Variants in TMEM59L observed in about 807,000 individuals in gnomAD.
TMEM59L encodes transmembrane protein 59-like.
TMEM59L carries 31 observed loss-of-function variants against 39.6 expected under a neutral mutation model. The ratio of observed to expected loss-of-function variants is 0.78; its 90% CI spans 0.59 to 1.06. The LOEUF (loss-of-function observed/expected upper bound fraction) is 1.06. Ranked by LOEUF, TMEM59L falls within the 50% of genes least tolerant of loss-of-function variation. The pLI, the probability that TMEM59L is intolerant of heterozygous loss-of-function variation, is 0.00. For missense variants in TMEM59L, 441 were observed against 451.3 expected, an observed-to-expected ratio of 0.98 and a Z score of 0.21; for synonymous variants, 219 against 202.9, an observed-to-expected ratio of 1.08 and a Z score of -0.68.
Position 18,617,071 on chromosome 19 carries a change from C to A in TMEM59L, c.633C>A (p.Gly211=), listed in dbSNP as rs1426769714. ...AGCGCGTGGAGGTGACCTGGCGAGG[C>A]TCCCACCCTGAAGCCCTGGAGGTGC... The part of the protein sequence containing the change: ...RLQRVEVTWR[G]SHPEALEVHV... Residue 211 remains glycine (G), a synonymous_variant, in exon 5 of 8, where the codon GGC becomes GGA. Transcript: ENST00000262817. 36 of 1,613,396 alleles carry A rather than the reference C, an allele frequency of 2.2e-5. No individual in the cohort carries two copies. Among genetic ancestry groups the A allele is most frequent in the Non-Finnish European group, 3.0e-5 (35 of 1,179,922 alleles).
rs1337854322 is a variant in TMEM59L at position 18,616,090 on chromosome 19, A to G, written c.524A>G (p.Tyr175Cys). ...QGFVSSTWTY[Y>C]LQTDNGKVVV... ...TTTGTCTCCTCCACCTGGACATACTACTTGCAGACTGACAATGGGAAAGTG... is the reference window on the plus strand; with the variant it reads ...TTTGTCTCCTCCACCTGGACATACTGCTTGCAGACTGACAATGGGAAAGTG... Residue 175 changes from tyrosine to cysteine, a missense_variant, in exon 4 of 8, where the codon TAC (tyrosine) becomes TGC (cysteine). By Grantham distance (194) the Tyr-to-Cys change is radical (BLOSUM62 -2). Transcript: ENST00000262817. 6.2e-7 allele frequency: 1 copy of G among 1,613,988 alleles called. No homozygotes were observed. Among genetic ancestry groups the G allele is most frequent in the African/African-American group, 1.3e-5 (1 of 74,918 alleles).
At position 18,620,434 on chromosome 19, in the gene TMEM59L, C is replaced by A. The variant is rs374334294; in HGVS notation, c.927C>A (p.Gly309=). Residue 309 remains glycine (G), a synonymous_variant, in exon 8 of 8, where the codon GGC becomes GGA. Coordinates refer to ENST00000262817, the MANE Select transcript of TMEM59L (RefSeq NM_012109.3). ...CTCTGACCCTGGAGCAGCACAAGGG[C>A]TTCATGATGGAGCCCGATTGGCCCC... ...FQPLTLEQHK[G]FMMEPDWPLY... 9 of 1,613,244 alleles carry A rather than the reference C, an allele frequency of 5.6e-6. No individual in the cohort carries two copies. The highest frequency in any genetic ancestry group is 4.0e-5 in the African/African-American group (3 of 74,920).
chr19:18,618,098 T>G, intron 5 of TMEM59L, 57 bp from the exon 6 acceptor site: 11 of 1,296,882 alleles, frequency 8.5e-6, no homozygotes, highest in Non-Finnish European at 1.2e-5. Context: ...CTGGTCATGG[T>G]TATTGTGGCC....
At chr19:18,619,823 A>G (rs1446116057) in intron 7 of TMEM59L, among the ~76,000 whole-genome samples, 1 of 151,196 alleles carries the variant, frequency 6.6e-6, no homozygotes, top group Non-Finnish European at 1.5e-5. Context: ...AAAAAGAAAA[A>G]AAAAATTAGC....
Position 18,618,241 on chromosome 19 carries a change from C to T in TMEM59L, c.751C>T (p.Gln251Ter). ...SKAKVESEEPQDNDFLSCMSR... is the reference protein window; with the variant it reads ...SKAKVESEEP ...GGCCAAGGTGGAGTCTGAAGAGCCA[C>T]AGGACAATGACTTCCTCAGTTGCAT... The change falls in exon 6 of 8, where the codon CAG becomes TAG. Residue 251 changes from glutamine (Q) to a stop codon, truncating the protein, a stop_gained. Coordinates refer to ENST00000262817, the MANE Select transcript of TMEM59L (RefSeq NM_012109.3). LOFTEE classifies it high-confidence loss of function. The T allele has an allele frequency of 6.2e-7, 1 of 1,600,100 alleles. No individual in the cohort carries two copies. Among genetic ancestry groups the T allele is most frequent in the Non-Finnish European group, 8.5e-7 (1 of 1,178,664 alleles).
chr19:18,617,101 G>A lies in TMEM59L; in HGVS notation c.663G>A (p.Val221=), dbSNP rs1976436744. Reference sequence around the variant, plus strand: ...ACCCTGAAGCCCTGGAGGTGCACGTGGGTAAGGTGCAACCTAGACCAGTGT... The same window carrying A: ...ACCCTGAAGCCCTGGAGGTGCACGTAGGTAAGGTGCAACCTAGACCAGTGT... The part of the protein sequence containing the change: ...GSHPEALEVH[V]DPVGPLDKVR... The change falls in exon 5 of 8, where the codon GTG becomes GTA. Residue 221 remains valine (V), a splice_region_variant and synonymous_variant. Coordinates refer to ENST00000262817, the MANE Select transcript of TMEM59L (RefSeq NM_012109.3). The A allele has an allele frequency of 1.2e-6, 2 of 1,611,446 alleles. No homozygotes were observed. Among genetic ancestry groups the A allele is most frequent in the East Asian group, 4.5e-5 (2 of 44,872 alleles).
chr19:18,616,873 C>T (rs1976433395), intron 4 of TMEM59L, 127 bp from the exon 5 acceptor site: 1 of 713,642 alleles, frequency 1.4e-6, no homozygotes, highest in Non-Finnish European at 2.4e-6. Context: ...TGACATCAAG[C>T]CCACCCCTGA....
chr19:18,618,359 C>T lies in TMEM59L; in HGVS notation c.783-16C>T, dbSNP rs933641261. ...CCCGGCCTGGGCAGCTGAGTGGTGCCTGCCGGGCGGGGCAGGCGCTCGGGT... is the reference window on the plus strand; with the variant it reads ...CCCGGCCTGGGCAGCTGAGTGGTGCTTGCCGGGCGGGGCAGGCGCTCGGGT... On this transcript the variant is annotated splice_polypyrimidine_tract_variant and intron_variant, in intron 6 of 7. Transcript: ENST00000262817. The T allele has an allele frequency of 1.9e-6, 3 of 1,609,794 alleles. No individual in the cohort carries two copies. In the African/African-American group the frequency reaches 4.0e-5, roughly 22 times the overall value.
intron 1 of TMEM59L, 145 bp from the exon 2 acceptor site, chr19:18,613,727 G>A: frequency 1.6e-6 from 1 of 644,060 alleles, no homozygotes; most frequent in Non-Finnish European, 2.7e-6. Context: ...ACTAATATTT[G>A]TAGCCTCTCC....
At chr19:18,618,599 TCAGA>T in intron 7 of TMEM59L, 107 bp downstream of exon 7, 3 of 948,958 alleles carry the variant, frequency 3.2e-6, no homozygotes, top group Non-Finnish European at 4.7e-6. Context: ...GGCCAGGACC[TCAGA>T]CATTTTTTTC....
At position 18,613,043 on chromosome 19, in the gene TMEM59L, C is replaced by G; in HGVS notation, c.85C>G (p.Arg29Gly). Residue 29 changes from arginine (R) to glycine (G), a missense_variant, in exon 1 of 8, where the codon CGC (arginine) becomes GGC (glycine). Transcript: ENST00000262817. Reference protein sequence around the residue: ...SPPAASAPSARDPFAPQLGDT... With the variant: ...SPPAASAPSAGDPFAPQLGDT... Reference sequence around the variant, plus strand: ...GCCCGCCGCCTCCGCGCCGTCCGCCCGCGATCCCTTCGCCCCCCAGCTCGG... The same window carrying G: ...GCCCGCCGCCTCCGCGCCGTCCGCCGGCGATCCCTTCGCCCCCCAGCTCGG... 7.2e-7 allele frequency: 1 copy of G among 1,393,584 alleles called. No homozygotes were observed. The highest frequency in any genetic ancestry group is 9.3e-7 in the Non-Finnish European group (1 of 1,076,076). 86.3% of individuals were successfully genotyped at this position (1,393,584 alleles called of 1,614,324 possible). A position where few individuals can be genotyped will look rare whatever the true frequency, so the allele number is the denominator to read the frequency against.
rs1976384498 is a variant in TMEM59L, at chr19:18,612,889, C to G, written c.-70C>G. On this transcript the variant is annotated 5_prime_UTR_variant, in exon 1 of 8. Coordinates refer to ENST00000262817, the MANE Select transcript of TMEM59L (RefSeq NM_012109.3). The surrounding 1 kb of genome is among the most constrained non-coding windows in gnomAD (Gnocchi z 6.2). ...GGTGACGTCAGCGCCCCGGTCCCCG[C>G]CGCAGCCGCTGCATCCTCCGTGCCC... The G allele has an allele frequency of 2.4e-6, 3 of 1,230,388 alleles. No homozygotes were observed. Among genetic ancestry groups the G allele is most frequent in the Admixed American group, 3.9e-5 (1 of 25,780 alleles). 76.2% of individuals were successfully genotyped at this position (1,230,388 alleles called of 1,614,324 possible). A position where few individuals can be genotyped will look rare whatever the true frequency, so the allele number is the denominator to read the frequency against.
chr19:18,616,233 C>T (rs966623727), intron 4 of TMEM59L, 106 bp downstream of exon 4: 21 of 1,391,728 alleles, frequency 1.5e-5, no homozygotes, highest in Admixed American at 7.4e-5. Flanking sequence ...CCACAGTGGG[C>T]GAGCTTCAGG....
rs1197676581 is a variant in TMEM59L at position 18,618,432 on chromosome 19, G to C, written c.840G>C (p.Val280=). 1 of 1,608,408 alleles carries C rather than the reference G, an allele frequency of 6.2e-7. No homozygotes were observed. The highest frequency in any genetic ancestry group is 8.5e-7 in the Non-Finnish European group (1 of 1,179,272). The change falls in exon 7 of 8, where the codon GTG becomes GTC. Residue 280 remains valine (V), a synonymous_variant. Transcript: ENST00000262817. ...GCTGCCTCTTCCTCTCCGTGCTGGT[G>C]ATGCTGTGGCTGAGCTGCTCCACCC... The part of the protein sequence containing the change: ...LACCLFLSVL[V]MLWLSCSTLV...
rs543510186 is a variant in TMEM59L at position 18,616,267 on chromosome 19, T to G, written c.561+140T>G. 170 of 961,658 alleles carry G rather than the reference T, an allele frequency of 1.8e-4. 1 individual carries two copies. In the South Asian group the frequency reaches 2.6e-3, roughly 15 times the overall value. The allele number at this position is 961,658 out of a possible 1,614,324, so 59.6% of individuals were successfully genotyped here. On this transcript the variant is annotated intron_variant, in intron 4 of 7. Transcript: ENST00000262817. ...GGCACAGCTGGATCCAGGGGCTCAG[T>G]GTCTCACTCCATGCCTTGACTCTGC...
intron 7 of TMEM59L, among the ~76,000 whole-genome samples, 181 bp downstream of exon 7, chr19:18,618,673 G>GTA (rs71339270): frequency 1.4e-3 from 100 of 69,000 alleles, no homozygotes; most frequent in East Asian, 8.0e-3. Flanking sequence ...GTGTGTGTGT[G>GTA]TATATATATA....
Position 18,620,472 on chromosome 19 carries a change from C to T in TMEM59L, c.965C>T (p.Pro322Leu), listed in dbSNP as rs749579869. The change falls in exon 8 of 8, where the codon CCG (proline) becomes CTG (leucine). Residue 322 changes from proline (P) to leucine (L), a missense_variant. By Grantham distance (98) the Pro-to-Leu change is moderately conservative. Transcript: ENST00000262817. ...MEPDWPLYPP[P>L]SHACEDSLPP... is the part of the protein sequence containing the mutation. ...CCCGATTGGCCCCTGTACCCGCCGC[C>T]GTCCCACGCCTGTGAGGACAGCCTA... 14 of 1,613,630 alleles carry T rather than the reference C, an allele frequency of 8.7e-6. No individual in the cohort carries two copies. Among genetic ancestry groups the T allele is most frequent in the South Asian group, 2.2e-5 (2 of 91,078 alleles).
At position 18,614,104 on chromosome 19, in the gene TMEM59L, C is replaced by G; in HGVS notation, c.317C>G (p.Ala106Gly). Residue 106 changes from alanine to glycine, a missense_variant and splice_region_variant, in exon 3 of 8, where the codon GCC becomes GGC. Ala to Gly is a moderately conservative substitution (Grantham distance 60). Coordinates refer to ENST00000262817, the MANE Select transcript of TMEM59L (RefSeq NM_012109.3). ...AGTCACCCGCTCCCACCTCCCACAG[C>G]CTGCGTGGAAGCCTATGTGAAGGAG... ...PNATQTECEA[A>G]CVEAYVKEAE... 1 of 1,612,240 alleles carries G rather than the reference C, an allele frequency of 6.2e-7. No individual in the cohort carries two copies. The highest frequency in any genetic ancestry group is 1.1e-5 in the South Asian group (1 of 91,048).
chr19:18,613,253 G>A (rs1976390098), intron 1 of TMEM59L, 124 bp downstream of exon 1: 5 of 1,051,954 alleles, frequency 4.8e-6, no homozygotes, highest in Non-Finnish European at 6.1e-6. Context: ...GTGGGGAGGT[G>A]GGGGTCGGGA....
Sources: allele counts gnomAD v4.1 joint callset (sites outside exome capture counted in the v4.1 genomes callset), GRCh38; gene constraint gnomAD v4.1.1; non-coding constraint Gnocchi (gnomAD v3.1); transcripts MANE v1.5; gene names NCBI Gene and HGNC (gene_info 2026-07-23, HGNC 2026-07-21).